C8orf34: variants seen among roughly 807,000 people sequenced by gnomAD.
C8orf34 encodes uncharacterized protein C8orf34.
A neutral mutation model predicts 68.3 loss-of-function variants in C8orf34; 65 were observed. That is an observed-to-expected ratio of 0.95 (90% CI 0.78 to 1.17). The LOEUF is 1.17. C8orf34 is among the 50% of genes most tolerant of loss of function. The probability of loss-of-function intolerance (pLI) is 0.00; values close to 1 mark genes in which losing one functional copy is unlikely to be tolerated. For synonymous variants in C8orf34, 244 were observed against 241.2 expected, an observed-to-expected ratio of 1.01 and a Z score of -0.11; for missense variants, 664 against 655.4, an observed-to-expected ratio of 1.01 and a Z score of -0.14.
chr8:68,465,908 G>A lies in C8orf34; in HGVS notation c.608-2784G>A, dbSNP rs867781360. On this transcript the variant is annotated intron_variant, in intron 3 of 13. Transcript: ENST00000518698. ...ATGGCACATGTATACATATGTAACT[G>A]ACCTGCACATTGTGCACATGTACCC... 2.2e-3 allele frequency among the ~76,000 whole-genome samples: 328 copies of A among 151,072 alleles called. 1 individual carries two copies. The highest frequency in any genetic ancestry group is 7.0e-3 in the African/African-American group (289 of 41,096).
At chr8:68,378,691 G>T (rs1014372212) in intron 1 of C8orf34, among the ~76,000 whole-genome samples, 4 of 152,194 alleles carry the variant, frequency 2.6e-5, no homozygotes, top group Non-Finnish European at 5.9e-5. Flanking sequence ...CTTGAAGTCT[G>T]TCCAAGCTGA....
chr8:68,521,674 G>A (rs1586310612), intron 5 of C8orf34, 125 bp from the exon 6 acceptor site: 1 of 788,870 alleles, frequency 1.3e-6, no homozygotes, highest in Middle Eastern at 3.2e-4. Flanking sequence ...GGAAACTGAA[G>A]TTTTGTATCA....
chr8:68,555,386 C>T (rs1816220131), intron 7 of C8orf34, among the ~76,000 whole-genome samples: 1 of 151,902 alleles, frequency 6.6e-6, no homozygotes, highest in African/African-American at 2.4e-5. Context: ...GGCTATTTTC[C>T]ACCTCTCTTT....
chr8:68,571,362 T>C (rs1222613090), intron 7 of C8orf34, among the ~76,000 whole-genome samples: 1 of 152,248 alleles, frequency 6.6e-6, no homozygotes, highest in Non-Finnish European at 1.5e-5. Flanking sequence ...TTGAGAACTT[T>C]GTAGTCAAGG....
chr8:68,430,550 A>G (rs1364111365), intron 1 of C8orf34, among the ~76,000 whole-genome samples: 2 of 152,206 alleles, frequency 1.3e-5, no homozygotes, highest in African/African-American at 4.8e-5. Context: ...ATTTGATGCC[A>G]ACACATACAC....
chr8:68,630,004 A>T (rs1818644064), intron 7 of C8orf34, among the ~76,000 whole-genome samples: 1 of 152,110 alleles, frequency 6.6e-6, no homozygotes, highest in Non-Finnish European at 1.5e-5. Flanking sequence ...ATTATTCTTA[A>T]ATATTGTCAA....
chr8:68,595,989 CT>C (rs1348529847), intron 7 of C8orf34, among the ~76,000 whole-genome samples: 4 of 152,042 alleles, frequency 2.6e-5, no homozygotes, highest in African/African-American at 9.7e-5. Flanking sequence ...CAATATCACC[CT>C]TTATGTCTCT....
At chr8:68,549,389 G>C (rs1028923911) in intron 7 of C8orf34, among the ~76,000 whole-genome samples, 1 of 151,624 alleles carries the variant, frequency 6.6e-6, no homozygotes, top group Non-Finnish European at 1.5e-5. Context: ...TTAAGAACAG[G>C]CCAAAATAAT....
intron 8 of C8orf34, among the ~76,000 whole-genome samples, chr8:68,655,291 A>G (rs1437335927): frequency 3.9e-5 from 6 of 152,208 alleles, no homozygotes; most frequent in Admixed American, 3.3e-4. Context: ...CCAGCTACTA[A>G]AAGGTAAAAC....
chr8:68,630,266 A>G (rs1020600257), intron 7 of C8orf34, among the ~76,000 whole-genome samples: 1 of 152,138 alleles, frequency 6.6e-6, no homozygotes, highest in African/African-American at 2.4e-5. Flanking sequence ...TTAATAGCAC[A>G]TTTTATTTAA....
At chr8:68,530,207 A>T (rs939907257) in intron 6 of C8orf34, among the ~76,000 whole-genome samples, 1 of 152,074 alleles carries the variant, frequency 6.6e-6, no homozygotes, top group Non-Finnish European at 1.5e-5. Context: ...AACCCTTTTT[A>T]ATAGTCCAAC....
chr8:68,731,445 T>A (rs1441969070), intron 10 of C8orf34, among the ~76,000 whole-genome samples: 1 of 152,234 alleles, frequency 6.6e-6, no homozygotes, highest in African/African-American at 2.4e-5. Context: ...AAAATGATTA[T>A]GTTTATATGT....
chr8:68,583,403 G>T (rs760907013), intron 7 of C8orf34, among the ~76,000 whole-genome samples: 3 of 152,156 alleles, frequency 2.0e-5, no homozygotes, highest in African/African-American at 4.8e-5. Context: ...TAAGTAACTT[G>T]TTCAACTTCA....
chr8:68,473,437 C>T lies in C8orf34; in HGVS notation c.736+4617C>T, dbSNP rs138135434. On this transcript the variant is annotated intron_variant, in intron 4 of 13. Coordinates refer to ENST00000518698, the MANE Select transcript of C8orf34 (RefSeq NM_052958.4). ...GTGCCATGTTGTCTGCTCCCTACCG[C>T]ACACGTGGTTTGAAAGGAAAAGGGA... is the stretch of plus-strand genomic sequence containing the variant. Among the ~76,000 whole-genome samples, 21 of 152,240 alleles carry T rather than the reference C, an allele frequency of 1.4e-4. No individual in the cohort carries two copies. The East Asian group carries it at 4.1e-3, about 29-fold the overall frequency.
chr8:68,727,436 C>T (rs943766357), intron 10 of C8orf34, among the ~76,000 whole-genome samples: 2 of 152,134 alleles, frequency 1.3e-5, no homozygotes, highest in Non-Finnish European at 2.9e-5. Context: ...ATGGCGCAAG[C>T]TGTCAGTGGA....
chr8:68,421,325 A>C (rs528411639), intron 1 of C8orf34, among the ~76,000 whole-genome samples: 8 of 152,214 alleles, frequency 5.3e-5, no homozygotes, highest in Non-Finnish European at 1.2e-4. Flanking sequence ...TTTTCTTTTT[A>C]TATCTCTTAT....
At chr8:68,593,559 T>TA (rs557049524) in intron 7 of C8orf34, among the ~76,000 whole-genome samples, 340 of 152,134 alleles carry the variant, frequency 2.2e-3, no homozygotes, top group Non-Finnish European at 4.0e-3. Context: ...TTTTTTCTAC[T>TA]AATTTTTTAA....
chr8:68,608,786 A>G (rs529422751), intron 7 of C8orf34, among the ~76,000 whole-genome samples: 1 of 152,200 alleles, frequency 6.6e-6, no homozygotes, highest in South Asian at 2.1e-4. Context: ...AGAAGAGTTG[A>G]AGGCATTTGC....
chr8:68,674,747 C>A (rs1049976334), intron 8 of C8orf34, among the ~76,000 whole-genome samples: 3 of 152,026 alleles, frequency 2.0e-5, no homozygotes, highest in African/African-American at 7.3e-5. Context: ...TATCAGAGAA[C>A]TTTTCAAACC....
Sources: gnomAD v4.1 joint callset for allele counts (sites outside exome capture counted in the v4.1 genomes callset) on GRCh38, gnomAD v4.1.1 for gene constraint, MANE v1.5 for transcripts, NCBI Gene and HGNC (gene_info 2026-07-23, HGNC 2026-07-21) for gene names.